Variants in GDPD4 observed in about 807,000 individuals in gnomAD.
GDPD4 encodes the protein glycerophosphodiester phosphodiesterase domain containing 4, also known as glycerophosphodiester phosphodiesterase 6.
GDPD4 carries 60 observed loss-of-function variants against 67.8 expected under a neutral mutation model. That is an observed-to-expected ratio of 0.88 (90% CI 0.72 to 1.10). The LOEUF (loss-of-function observed/expected upper bound fraction) is 1.10, where lower values mean the gene tolerates loss of function less well. GDPD4 is among the 50% of genes least tolerant of loss of function. The probability of loss-of-function intolerance (pLI) is 0.00; values close to 1 mark genes in which losing one functional copy is unlikely to be tolerated. For synonymous variants in GDPD4, 212 were observed against 210.9 expected, an observed-to-expected ratio of 1.00 and a Z score of -0.04; for missense variants, 623 against 613.9, an observed-to-expected ratio of 1.01 and a Z score of -0.16.
intron 8 of GDPD4, 136 bp downstream of exon 8, chr11:77,269,747 T>A: frequency 1.8e-5 from 10 of 558,922 alleles, no homozygotes; most frequent in Admixed American, 3.3e-5. Context: ...ATACAGAGCC[T>A]GTACACAATG....
intron 16 of GDPD4, among the ~76,000 whole-genome samples, chr11:77,220,271 TC>T (rs1958202456): frequency 6.6e-6 from 1 of 152,234 alleles, no homozygotes; most frequent in Admixed American, 6.5e-5. Flanking sequence ...AGAAAGGGCA[TC>T]CCTGTCTTGT....
At chr11:77,254,193 G>A (rs1958959474) in intron 11 of GDPD4, among the ~76,000 whole-genome samples, 1 of 152,178 alleles carries the variant, frequency 6.6e-6, no homozygotes, top group Non-Finnish European at 1.5e-5. Context: ...ACCCCAGCTG[G>A]GCTTAGGGCC....
At chr11:77,255,456 C>G (rs980381795) in intron 11 of GDPD4, among the ~76,000 whole-genome samples, 1 of 151,964 alleles carries the variant, frequency 6.6e-6, no homozygotes, top group Non-Finnish European at 1.5e-5. Flanking sequence ...CCCAGCTATT[C>G]AGGAGGCTGA....
intron 13 of GDPD4, among the ~76,000 whole-genome samples, chr11:77,242,649 A>T (rs1178850273): frequency 6.6e-6 from 1 of 152,154 alleles, no homozygotes; most frequent in Non-Finnish European, 1.5e-5. Flanking sequence ...CAATCTCAGG[A>T]TTAAGAGAGA....
chr11:77,296,939 A>T (rs780055674), intron 1 of GDPD4, among the ~76,000 whole-genome samples: 7 of 151,386 alleles, frequency 4.6e-5, no homozygotes, highest in Non-Finnish European at 8.8e-5. Flanking sequence ...CTGTAGTCCC[A>T]GCTATTCGGG....
At chr11:77,281,690 G>A (rs748365445) in intron 3 of GDPD4, among the ~76,000 whole-genome samples, 1 of 152,128 alleles carries the variant, frequency 6.6e-6, no homozygotes. Flanking sequence ...AGGTAATCTC[G>A]TAAACACAAC....
Position 77,230,561 on chromosome 11 carries a change from AAAAC to A in GDPD4, c.1390-1333_1390-1330del, listed in dbSNP as rs764253286. On this transcript the variant is annotated intron_variant, in intron 14 of 16. Coordinates refer to ENST00000315938, the MANE Select transcript of GDPD4 (RefSeq NM_182833.3). Reference sequence around the variant, plus strand: ...ATGACTTTAAGTTCCTGTTCTGCTTAAAACAAACAGTTAGAAATCCTAGCTAGTT... The same window carrying A: ...ATGACTTTAAGTTCCTGTTCTGCTTAAAACAGTTAGAAATCCTAGCTAGTT... 2.6e-5 allele frequency among the ~76,000 whole-genome samples: 4 copies of A among 152,364 alleles called. No individual in the cohort carries two copies. In the South Asian group the frequency reaches 6.2e-4, roughly 24 times the overall value.
At chr11:77,298,105 TA>T (rs59408301) in intron 1 of GDPD4, among the ~76,000 whole-genome samples, 6 of 150,336 alleles carry the variant, frequency 4.0e-5, no homozygotes, top group South Asian at 2.1e-4. Context: ...TTCGTTTTTT[TA>T]AAAAAAAAAA....
chr11:77,268,462 G>A lies in GDPD4; in HGVS notation c.702C>T (p.His234=), dbSNP rs1312818078. 5.0e-6 allele frequency: 8 copies of A among 1,606,942 alleles called. No individual in the cohort carries two copies. Among genetic ancestry groups the A allele is most frequent in the Non-Finnish European group, 6.8e-6 (8 of 1,173,874 alleles). Residue 234 remains histidine (H), a synonymous_variant, in exon 10 of 17, where the codon CAC becomes CAT. Coordinates refer to ENST00000315938, the MANE Select transcript of GDPD4 (RefSeq NM_182833.3). ...HGAHGLETDI[H]LSYDHVPFLM... The stretch of plus-strand genomic sequence containing the variant: ...CCAGTTCCCTGCTTTCTTACCTTAA[G>A]TGTATATCAGTCTCCAATCCATGGG...
intron 13 of GDPD4, 131 bp from the exon 14 acceptor site, chr11:77,233,303 C>A: frequency 1.3e-6 from 1 of 772,768 alleles, no homozygotes; most frequent in Non-Finnish European, 2.2e-6. Flanking sequence ...AGGGACAATT[C>A]ATGATACGAT....
At chr11:77,217,789 T>C (rs948283663) in intron 16 of GDPD4, among the ~76,000 whole-genome samples, 1 of 152,178 alleles carries the variant, frequency 6.6e-6, no homozygotes, top group Non-Finnish European at 1.5e-5. Flanking sequence ...CTTCTAATAA[T>C]GGAGCTAGGA....
At chr11:77,293,695 T>G (rs1937856917) in intron 1 of GDPD4, among the ~76,000 whole-genome samples, 1 of 152,132 alleles carries the variant, frequency 6.6e-6, no homozygotes, top group South Asian at 2.1e-4. Flanking sequence ...CAAACTCCAT[T>G]CCTGACAAAA....
intron 10 of GDPD4, among the ~76,000 whole-genome samples, chr11:77,260,315 A>G (rs1959088833): frequency 7.0e-6 from 1 of 142,714 alleles, no homozygotes; most frequent in African/African-American, 2.9e-5. Context: ...TCAGAAAAAA[A>G]AATGGTCGGG....
At chr11:77,290,309 T>A (rs1320307152) in intron 1 of GDPD4, among the ~76,000 whole-genome samples, 2 of 152,136 alleles carry the variant, frequency 1.3e-5, no homozygotes, top group Non-Finnish European at 2.9e-5. Flanking sequence ...AATTACAGAA[T>A]ACACATTCTT....
intron 10 of GDPD4, among the ~76,000 whole-genome samples, chr11:77,267,480 A>AT (rs1057413117): frequency 5.1e-4 from 78 of 152,250 alleles, no homozygotes; most frequent in African/African-American, 1.8e-3. Context: ...TGTTCTTGCT[A>AT]TTTTTTAACT....
At chr11:77,288,371 A>G (rs1023263707) in intron 1 of GDPD4, among the ~76,000 whole-genome samples, 36 of 152,028 alleles carry the variant, frequency 2.4e-4, no homozygotes, top group African/African-American at 8.5e-4. Context: ...TGCTAACACC[A>G]GTGCCTGTGT....
At chr11:77,231,336 A>C in intron 14 of GDPD4, among the ~76,000 whole-genome samples, 1 of 152,240 alleles carries the variant, frequency 6.6e-6, no homozygotes, top group Non-Finnish European at 1.5e-5. Flanking sequence ...AAAAGCCAAA[A>C]ACCACAAACA....
intron 16 of GDPD4, among the ~76,000 whole-genome samples, chr11:77,226,370 G>T (rs1311016086): frequency 6.6e-6 from 1 of 152,068 alleles, no homozygotes; most frequent in Admixed American, 6.5e-5. Context: ...AAGCCATAAG[G>T]GTGGGGCCCT....
intron 1 of GDPD4, among the ~76,000 whole-genome samples, chr11:77,296,672 G>A (rs931441462): frequency 9.2e-5 from 14 of 151,852 alleles, no homozygotes; most frequent in Admixed American, 9.2e-4. Flanking sequence ...GGAGGAAATT[G>A]GTAGAAATTT....
Sources: gnomAD v4.1 joint callset for allele counts (sites outside exome capture counted in the v4.1 genomes callset) on GRCh38, gnomAD v4.1.1 for gene constraint, MANE v1.5 for transcripts, NCBI Gene and HGNC (gene_info 2026-07-23, HGNC 2026-07-21) for gene names.